Variants in FMN1 observed in about 807,000 individuals in gnomAD.
The protein encoded by FMN1 is formin 1.
In FMN1, 110 loss-of-function variants were observed where a neutral mutation model predicts 132.4. That is an observed-to-expected ratio of 0.83 (90% CI 0.71 to 0.97). FMN1 has a LOEUF of 0.97. Among genes scored for constraint, FMN1 ranks in the 50% least tolerant of loss-of-function variants. The pLI is 0.00. For missense variants in FMN1, 1,792 were observed against 1,705.3 expected, an observed-to-expected ratio of 1.05 and a Z score of -0.90; for synonymous variants, 722 against 651.7, an observed-to-expected ratio of 1.11 and a Z score of -1.64.
At chr15:32,892,862 A>G (rs778724158) in intron 15 of FMN1, among the ~76,000 whole-genome samples, 9 of 152,156 alleles carry the variant, frequency 5.9e-5, no homozygotes, top group Non-Finnish European at 1.0e-4. Context: ...TAATTTTTAA[A>G]TTGCCATGTT....
chr15:32,983,462 A>C (rs1338346773), intron 7 of FMN1, among the ~76,000 whole-genome samples: 1 of 152,216 alleles, frequency 6.6e-6, no homozygotes, highest in Non-Finnish European at 1.5e-5. Context: ...ATTTTTGGTG[A>C]AACCTCAGAT....
intron 6 of FMN1, among the ~76,000 whole-genome samples, chr15:33,059,353 CA>C (rs1368042446): frequency 1.3e-5 from 2 of 152,160 alleles, no homozygotes; most frequent in Non-Finnish European, 2.9e-5. Context: ...CTACAATGAA[CA>C]TGGGAGTGCA....
chr15:32,879,853 A>ATTTT (rs10676903), intron 16 of FMN1, among the ~76,000 whole-genome samples: 46,661 of 151,604 alleles, frequency 0.31, 8,208 homozygotes, highest in African/African-American at 0.49. Context: ...TCATTGTGGG[A>ATTTT]TTTTTTGTTT....
At chr15:32,967,274 C>T (rs2031331049) in intron 8 of FMN1, among the ~76,000 whole-genome samples, 1 of 152,158 alleles carries the variant, frequency 6.6e-6, no homozygotes, top group Admixed American at 6.5e-5. Flanking sequence ...TCTTTGATGG[C>T]TGCTGTGGTC....
chr15:33,098,559 T>C (rs2039172811), intron 4 of FMN1, among the ~76,000 whole-genome samples: 1 of 152,218 alleles, frequency 6.6e-6, no homozygotes, highest in Admixed American at 6.5e-5. Flanking sequence ...CCTACAGTGA[T>C]GTTCAAATCC....
intron 16 of FMN1, among the ~76,000 whole-genome samples, chr15:32,880,279 A>G (rs923821383): frequency 3.3e-5 from 5 of 151,810 alleles, no homozygotes; most frequent in South Asian, 2.1e-4. Flanking sequence ...TTTCTCTCAC[A>G]CTTGCTCTCA....
intron 10 of FMN1, among the ~76,000 whole-genome samples, chr15:32,919,231 G>C (rs76877490): frequency 6.6e-6 from 1 of 152,014 alleles, no homozygotes; most frequent in African/African-American, 2.4e-5. Flanking sequence ...AAACAAGTTG[G>C]CTTCAAAAGC....
At chr15:32,902,203 C>T (rs1206681250) in intron 12 of FMN1, among the ~76,000 whole-genome samples, 163 bp from the exon 13 acceptor site, 1 of 152,134 alleles carries the variant, frequency 6.6e-6, no homozygotes, top group Non-Finnish European at 1.5e-5. Context: ...GGCATGGTTT[C>T]CATTGTTGAC....
chr15:33,016,733 T>C (rs6494836), intron 6 of FMN1, among the ~76,000 whole-genome samples: 123,875 of 152,102 alleles, frequency 0.81, 50,508 homozygotes, highest in East Asian at 0.88. Flanking sequence ...GTTTGATGAT[T>C]GACTCCTGAC....
chr15:32,865,616 C>G (rs2059373607), intron 16 of FMN1, among the ~76,000 whole-genome samples: 1 of 152,134 alleles, frequency 6.6e-6, no homozygotes, highest in South Asian at 2.1e-4. Flanking sequence ...GCGGGCAGAT[C>G]ACCTGAGGTT....
chr15:33,099,301 A>T (rs2039203770), intron 4 of FMN1, among the ~76,000 whole-genome samples: 1 of 152,206 alleles, frequency 6.6e-6, no homozygotes, highest in South Asian at 2.1e-4. Flanking sequence ...AAATAAGTCA[A>T]TCTATCAATA....
In FMN1 at chr15:32,766,443, C is replaced by T. The variant is rs1392122149; in HGVS notation, c.*7867G>A. On this transcript the variant is annotated 3_prime_UTR_variant, in exon 21 of 21. Coordinates refer to ENST00000616417, the MANE Select transcript of FMN1 (RefSeq NM_001277313.2). Reference sequence around the variant, plus strand: ...GGCGTTCTGCATCATAGCTGGTGACCCGGTCTGATGTACAAATTTATCAAG... The same window carrying T: ...GGCGTTCTGCATCATAGCTGGTGACTCGGTCTGATGTACAAATTTATCAAG... The T allele has an allele frequency of 1.3e-5, 2 of 151,894 alleles. No individual in the cohort carries two copies. Among genetic ancestry groups the T allele is most frequent in the South Asian group, 2.1e-4 (1 of 4,804 alleles). 9.4% of individuals were successfully genotyped at this position (151,894 alleles called of 1,614,324 possible).
chr15:32,854,952 G>A (rs917059921), intron 17 of FMN1, among the ~76,000 whole-genome samples: 5 of 151,144 alleles, frequency 3.3e-5, no homozygotes, highest in Non-Finnish European at 5.9e-5. Flanking sequence ...AAAAGAGCTC[G>A]TTGTATTCAA....
intron 17 of FMN1, among the ~76,000 whole-genome samples, chr15:32,853,035 A>G (rs528528554): frequency 1.3e-5 from 2 of 152,300 alleles, no homozygotes; most frequent in Non-Finnish European, 2.9e-5. Flanking sequence ...CTGTCTGCTG[A>G]GAATTTCTAA....
intron 9 of FMN1, among the ~76,000 whole-genome samples, chr15:32,932,591 T>C (rs1453256010): frequency 1.3e-5 from 2 of 152,334 alleles, no homozygotes; most frequent in East Asian, 3.9e-4. Context: ...AATTATTCTT[T>C]AAATGTTTGG....
chr15:32,794,873 C>T (rs1031020587), intron 19 of FMN1, among the ~76,000 whole-genome samples: 1 of 152,128 alleles, frequency 6.6e-6, no homozygotes, highest in Admixed American at 6.5e-5. Flanking sequence ...GTTTTGTGTA[C>T]ATGCTCCATA....
chr15:32,787,615 C>T (rs575597340), intron 19 of FMN1, among the ~76,000 whole-genome samples: 9 of 152,276 alleles, frequency 5.9e-5, no homozygotes, highest in African/African-American at 1.9e-4. Flanking sequence ...CTTTGGGAGG[C>T]TGAGGCAGGA....
intron 8 of FMN1, among the ~76,000 whole-genome samples, chr15:32,966,407 G>A (rs750541978): frequency 6.6e-6 from 1 of 152,068 alleles, no homozygotes; most frequent in East Asian, 1.9e-4. Flanking sequence ...TAATAAGGAC[G>A]TGCTTCCCAA....
At chr15:32,802,396 G>T (rs6494692) in intron 18 of FMN1, among the ~76,000 whole-genome samples, 128,025 of 152,192 alleles carry the variant, frequency 0.84, 53,857 homozygotes, top group East Asian at 0.97. Flanking sequence ...AAGCAAATAT[G>T]CCTTAGCCTC....
Sources: allele counts gnomAD v4.1 joint callset (sites outside exome capture counted in the v4.1 genomes callset), GRCh38; gene constraint gnomAD v4.1.1; transcripts MANE v1.5; gene names NCBI Gene and HGNC (gene_info 2026-07-23, HGNC 2026-07-21).